PRXL2B: variants seen among roughly 807,000 people sequenced by gnomAD.
PRXL2B encodes the protein prostamide/prostaglandin F synthase.
Under a neutral mutation model 24.4 loss-of-function variants are expected in PRXL2B, and 26 were observed. The observed-to-expected ratio is 1.07, with a 90% confidence interval of 0.78 to 1.48. PRXL2B has a LOEUF of 1.48. PRXL2B is among the 40% of genes most tolerant of loss of function. PRXL2B has a pLI of 0.00. For missense variants in PRXL2B, 269 were observed against 264.8 expected (o/e 1.02, Z -0.11); for synonymous variants, 115 against 118.9 (o/e 0.97, Z 0.21).
At position 2,591,402 on chromosome 1, in the gene PRXL2B, C is replaced by T; in HGVS notation, c.*1975C>T. ...GCCCTTAGTCTGTAAGAGAATGTCCCTGACCGAAATCGGCCAGAAGCCCCT... is the reference window on the plus strand; with the variant it reads ...GCCCTTAGTCTGTAAGAGAATGTCCTTGACCGAAATCGGCCAGAAGCCCCT... On this transcript the variant is annotated 3_prime_UTR_variant, in exon 7 of 7. Transcript: ENST00000419916. 1.5e-6 allele frequency: 1 copy of T among 671,322 alleles called. No individual in the cohort carries two copies. Among genetic ancestry groups the T allele is most frequent in the Non-Finnish European group, 2.6e-6 (1 of 380,704 alleles). 41.6% of individuals were successfully genotyped at this position (671,322 alleles called of 1,614,324 possible).
Position 2,586,907 on chromosome 1 carries a change from C to T in PRXL2B, c.22C>T (p.Arg8Cys), listed in dbSNP as rs779628951. ...CGCCATGAGCACGGTGGACCTTGCT[C>T]GCGTGGGCGCGTGCATCCTGAAGCA... Reference protein sequence around the residue: MSTVDLARVGACILKHAV... With the variant: MSTVDLACVGACILKHAV... Residue 8 changes from arginine to cysteine, a missense_variant, in exon 1 of 7, where the codon CGC (arginine) becomes TGC (cysteine). By Grantham distance (180) the Arg-to-Cys change is radical. Transcript: ENST00000419916. 13 of 1,310,722 alleles carry T rather than the reference C, an allele frequency of 9.9e-6. No homozygotes were observed. The East Asian group carries it at 2.4e-4, about 24-fold the overall frequency. 81.2% of individuals were successfully genotyped at this position (1,310,722 alleles called of 1,614,324 possible).
In PRXL2B at chr1:2,589,058, G is replaced by A; in HGVS notation, c.579+18G>A. ...CGCCTCAGGTGAGCTGGGCCTTGGGGGCGCTGCCTGCCAGCCCACGCCCTG... is the reference window on the plus strand; with the variant it reads ...CGCCTCAGGTGAGCTGGGCCTTGGGAGCGCTGCCTGCCAGCCCACGCCCTG... On this transcript the variant is annotated intron_variant, in intron 6 of 6. Transcript: ENST00000419916. 10 of 1,608,808 alleles carry A rather than the reference G, an allele frequency of 6.2e-6. No homozygotes were observed. Among genetic ancestry groups the A allele is most frequent in the Non-Finnish European group, 8.5e-6 (10 of 1,176,806 alleles).
intron 5 of PRXL2B, 106 bp from the exon 6 acceptor site, chr1:2,588,815 TG>T: frequency 8.0e-7 from 1 of 1,252,618 alleles, no homozygotes; most frequent in Non-Finnish European, 1.2e-6. Context: ...GGTAGCCGGG[TG>T]GGGGATATGG....
Position 2,586,935 on chromosome 1 carries a change from C to A in PRXL2B, c.50C>A (p.Ala17Glu). Residue 17 changes from alanine (A) to glutamate (E), a missense_variant, in exon 1 of 7, where the codon GCG becomes GAG. Physicochemically the swap from Ala to Glu is moderately radical, Grantham distance 107. Coordinates refer to ENST00000419916, the MANE Select transcript of PRXL2B (RefSeq NM_152371.5). ...ARVGACILKHAVTGEAVELRS... is the reference protein window; with the variant it reads ...ARVGACILKHEVTGEAVELRS... ...GTGGGCGCGTGCATCCTGAAGCATGCGGTGACCGGGGAGGTGAGGCCGGGT... is the reference window on the plus strand; with the variant it reads ...GTGGGCGCGTGCATCCTGAAGCATGAGGTGACCGGGGAGGTGAGGCCGGGT... 7.7e-7 allele frequency: 1 copy of A among 1,302,442 alleles called. No individual in the cohort carries two copies. Among genetic ancestry groups the A allele is most frequent in the Non-Finnish European group, 9.7e-7 (1 of 1,027,464 alleles). The allele number at this position is 1,302,442 out of a possible 1,614,324, so 80.7% of individuals were successfully genotyped here.
intron 4 of PRXL2B, 48 bp from the exon 5 acceptor site, chr1:2,588,502 A>G (rs1644585532): frequency 3.1e-6 from 5 of 1,613,618 alleles, no homozygotes; most frequent in Admixed American, 1.7e-5. Context: ...GGGAGCTCCC[A>G]GGAGCCTTTC....
At chr1:2,589,372 G>A (rs377557907) in intron 6 of PRXL2B, 38 bp from the exon 7 acceptor site, 1 of 1,610,248 alleles carries the variant, frequency 6.2e-7, no homozygotes, top group Non-Finnish European at 8.5e-7. Context: ...GTCTGATCCA[G>A]TGTCCAGCGG....
chr1:2,587,106 A>C lies in PRXL2B; in HGVS notation c.79A>C (p.Ser27Arg). The change falls in exon 2 of 7, where the codon AGC (serine) becomes CGC (arginine). Residue 27 changes from serine to arginine, a missense_variant. Transcript: ENST00000419916. This position sits in a 1 kb window ranked among gnomAD's most constrained non-coding sequence, Gnocchi z 6.1. ...AVTGEAVELR[S>R]LWREHACVVA... ...CGCCCGGCAGGCCGTGGAGCTGCGG[A>C]GCCTGTGGCGGGAGCACGCGTGCGT... 1 of 1,545,276 alleles carries C rather than the reference A, an allele frequency of 6.5e-7. No homozygotes were observed. Among genetic ancestry groups the C allele is most frequent in the African/African-American group, 1.4e-5 (1 of 72,966 alleles).
Position 2,589,510 on chromosome 1 carries a change from T to TCCGGAGGCGCTG in PRXL2B, c.*84_*95dup, listed in dbSNP as rs1330219622. 6.2e-7 allele frequency: 1 copy of TCCGGAGGCGCTG among 1,602,926 alleles called. No individual in the cohort carries two copies. Among genetic ancestry groups the TCCGGAGGCGCTG allele is most frequent in the Non-Finnish European group, 8.5e-7 (1 of 1,172,408 alleles). ...CTGGAAGTCCACTTGGAAGAACTGTTCCGGAGGCGCTGGGTCGGGATGCCG... is the reference window on the plus strand; with the variant it reads ...CTGGAAGTCCACTTGGAAGAACTGTTCCGGAGGCGCTGCCGGAGGCGCTGGGTCGGGATGCCG... On this transcript the variant is annotated 3_prime_UTR_variant, in exon 7 of 7. Coordinates refer to ENST00000419916, the MANE Select transcript of PRXL2B (RefSeq NM_152371.5).
Position 2,587,373 on chromosome 1 carries a change from C to G in PRXL2B, c.268+78C>G. ...GCGTTCGGGGCCCTTTCCTGCCCAA[C>G]CCCGGCCCTTCTGTCTGCTGGAGCG... On this transcript the variant is annotated intron_variant, in intron 2 of 6. Coordinates refer to ENST00000419916, the MANE Select transcript of PRXL2B (RefSeq NM_152371.5). The surrounding 1 kb of genome is among the most constrained non-coding windows in gnomAD (Gnocchi z 6.1). 6.8e-7 allele frequency: 1 copy of G among 1,474,804 alleles called. No individual in the cohort carries two copies. The highest frequency in any genetic ancestry group is 9.1e-7 in the Non-Finnish European group (1 of 1,096,872). The allele number at this position is 1,474,804 out of a possible 1,614,324, so 91.4% of individuals were successfully genotyped here. A position where few individuals can be genotyped will look rare whatever the true frequency, so the allele number is the denominator to read the frequency against.
In PRXL2B at chr1:2,589,010, T is replaced by C; in HGVS notation, c.549T>C (p.Ser183=). ...KEHILQVLGI[S]AEVCASDPPQ... is the part of the protein sequence containing the mutation. ...ACATCCTGCAGGTCCTGGGCATCTC[T>C]GCGGAGGTCTGTGCCAGCGACCCGC... Residue 183 remains serine, a synonymous_variant, in exon 6 of 7, where the codon TCT becomes TCC. Transcript: ENST00000419916. The C allele has an allele frequency of 6.2e-7, 1 of 1,613,182 alleles. No homozygotes were observed. The highest frequency in any genetic ancestry group is 1.1e-5 in the South Asian group (1 of 91,092).
rs375491063 is a variant in PRXL2B, at chr1:2,586,905, C to A, written c.20C>A (p.Ala7Asp). The change falls in exon 1 of 7, where the codon GCT becomes GAT. Residue 7 changes from alanine (A) to aspartate (D), a missense_variant. Transcript: ENST00000419916. ...GCCGCCATGAGCACGGTGGACCTTG[C>A]TCGCGTGGGCGCGTGCATCCTGAAG... MSTVDL[A>D]RVGACILKHA... is the part of the protein sequence containing the mutation. 1.9e-5 allele frequency: 25 copies of A among 1,311,652 alleles called. No homozygotes were observed. In the Middle Eastern group the frequency reaches 1.4e-3, roughly 73 times the overall value. The allele number at this position is 1,311,652 out of a possible 1,614,324, so 81.3% of individuals were successfully genotyped here. A position where few individuals can be genotyped will look rare whatever the true frequency, so the allele number is the denominator to read the frequency against.
At position 2,586,929 on chromosome 1, in the gene PRXL2B, A is replaced by G; in HGVS notation, c.44A>G (p.Lys15Arg). ...DLARVGACILKHAVTGEAVEL... is the reference protein window; with the variant it reads ...DLARVGACILRHAVTGEAVEL... ...GCTCGCGTGGGCGCGTGCATCCTGA[A>G]GCATGCGGTGACCGGGGAGGTGAGG... Residue 15 changes from lysine (K) to arginine (R), a missense_variant, in exon 1 of 7, where the codon AAG becomes AGG. Lys to Arg is a conservative substitution (Grantham distance 26). Coordinates refer to ENST00000419916, the MANE Select transcript of PRXL2B (RefSeq NM_152371.5). The G allele has an allele frequency of 7.6e-7, 1 of 1,322,772 alleles. No individual in the cohort carries two copies. Among genetic ancestry groups the G allele is most frequent in the Non-Finnish European group, 9.6e-7 (1 of 1,039,604 alleles). The allele number at this position is 1,322,772 out of a possible 1,614,324, so 81.9% of individuals were successfully genotyped here. A position where few individuals can be genotyped will look rare whatever the true frequency, so the allele number is the denominator to read the frequency against.
At position 2,591,106 on chromosome 1, in the gene PRXL2B, G is replaced by T; in HGVS notation, c.*1679G>T. The T allele has an allele frequency of 1.3e-6, 2 of 1,534,134 alleles. No individual in the cohort carries two copies. The highest frequency in any genetic ancestry group is 1.8e-6 in the Non-Finnish European group (2 of 1,137,118). On this transcript the variant is annotated 3_prime_UTR_variant, in exon 7 of 7. Transcript: ENST00000419916. ...CCCAGTACCCTGTGGGTGGGTGGGT[G>T]TGACAGCAGGAGCATTGCCATCTTG...
chr1:2,588,828 T>C, intron 5 of PRXL2B, 94 bp from the exon 6 acceptor site: 2 of 1,331,688 alleles, frequency 1.5e-6, no homozygotes, highest in South Asian at 1.3e-5. Flanking sequence ...GGGATATGGC[T>C]GGCCAGGGCT....
upstream of PRXL2B, chr1:2,586,653 T>C (rs1311569971): frequency 1.0e-6 from 1 of 989,166 alleles, no homozygotes; most frequent in Non-Finnish European, 1.3e-6. Context: ...GGGCTCGGGG[T>C]GCGGTCGGGG....
chr1:2,587,826 GGT>G lies in PRXL2B; in HGVS notation c.320+36_320+37del. Reference sequence around the variant, plus strand: ...GGGCGGGAACCCTTGGGTAGCGTGGGGTGGGGGGCCCAGGGGTTCCCACCGCT... The same window carrying G: ...GGGCGGGAACCCTTGGGTAGCGTGGGGGGGGGCCCAGGGGTTCCCACCGCT... On this transcript the variant is annotated intron_variant, in intron 3 of 6. Coordinates refer to ENST00000419916, the MANE Select transcript of PRXL2B (RefSeq NM_152371.5). This position sits in a 1 kb window ranked among gnomAD's most constrained non-coding sequence, Gnocchi z 6.1. 6.4e-7 allele frequency: 1 copy of G among 1,564,714 alleles called. No individual in the cohort carries two copies. The highest frequency in any genetic ancestry group is 8.7e-7 in the Non-Finnish European group (1 of 1,151,094).
In PRXL2B at chr1:2,587,841, G is replaced by A. The variant is rs1161873027; in HGVS notation, c.320+49G>A. The A allele has an allele frequency of 2.6e-6, 4 of 1,553,236 alleles. No homozygotes were observed. Among genetic ancestry groups the A allele is most frequent in the African/African-American group, 1.4e-5 (1 of 73,742 alleles). On this transcript the variant is annotated intron_variant, in intron 3 of 6. Transcript: ENST00000419916. The surrounding 1 kb of genome is among the most constrained non-coding windows in gnomAD (Gnocchi z 6.1). ...GGTAGCGTGGGGTGGGGGGCCCAGG[G>A]GTTCCCACCGCTCCCTGCCACCTCC...
Position 2,587,077 on chromosome 1 carries a change from C to T in PRXL2B, c.64-14C>T, listed in dbSNP as rs767970933. ...GGGGCAACGGGGCGCGCCCATGACC[C>T]AGCCGCCCGGCAGGCCGTGGAGCTG... On this transcript the variant is annotated splice_polypyrimidine_tract_variant and intron_variant, in intron 1 of 6. Transcript: ENST00000419916. The surrounding 1 kb of genome is among the most constrained non-coding windows in gnomAD (Gnocchi z 6.1). The T allele has an allele frequency of 2.6e-5, 39 of 1,500,844 alleles. No individual in the cohort carries two copies. Among genetic ancestry groups the T allele is most frequent in the Non-Finnish European group, 6.2e-6 (7 of 1,133,228 alleles). The allele number at this position is 1,500,844 out of a possible 1,614,324, so 93.0% of individuals were successfully genotyped here.
At chr1:2,589,271 T>TG in intron 6 of PRXL2B, 139 bp from the exon 7 acceptor site, 1 of 1,317,426 alleles carries the variant, frequency 7.6e-7, no homozygotes. Flanking sequence ...TCCTCAGAGG[T>TG]GGGGGCGACA....
Sources: gnomAD v4.1 joint callset for allele counts on GRCh38, gnomAD v4.1.1 for gene constraint, Gnocchi (gnomAD v3.1) non-coding constraint, MANE v1.5 for transcripts, NCBI Gene and HGNC (gene_info 2026-07-23, HGNC 2026-07-21) for gene names.